The following BMERB1 variants were observed in gnomAD, a reference collection of about 807,000 sequenced individuals.
BMERB1 encodes the protein bMERB domain-containing protein 1.
BMERB1 carries 12 observed loss-of-function variants against 23.6 expected under a neutral mutation model. The observed-to-expected ratio is 0.51, with a 90% confidence interval of 0.33 to 0.82. The LOEUF is 0.82. Among genes scored for constraint, BMERB1 ranks in the 40% least tolerant of loss-of-function variants. BMERB1 has a pLI of 0.03. For synonymous variants in BMERB1, 122 were observed against 96.6 expected (o/e 1.26, Z -1.54); for missense variants, 247 against 255.4 (o/e 0.97, Z 0.22).
At chr16:15,469,953 C>A (rs2051215200) in intron 1 of BMERB1, among the ~76,000 whole-genome samples, 1 of 152,128 alleles carries the variant, frequency 6.6e-6, no homozygotes, top group East Asian at 1.9e-4. Context: ...TTTCTTCCTT[C>A]CTAATTTGTA....
chr16:15,463,623 A>AT (rs1221388167), intron 1 of BMERB1, among the ~76,000 whole-genome samples: 1 of 151,964 alleles, frequency 6.6e-6, no homozygotes, highest in East Asian at 1.9e-4. Flanking sequence ...CCTCTAATAT[A>AT]TTTTCAGTGT....
chr16:15,549,128 C>G (rs1343939246), intron 2 of BMERB1, among the ~76,000 whole-genome samples: 1 of 150,530 alleles, frequency 6.6e-6, no homozygotes, highest in Non-Finnish European at 1.5e-5. Flanking sequence ...CACCTGAGGT[C>G]AGGAGTTTGA....
intron 1 of BMERB1, among the ~76,000 whole-genome samples, chr16:15,468,172 G>T (rs1490221392): frequency 1.8e-5 from 2 of 112,384 alleles, no homozygotes; most frequent in Non-Finnish European, 3.4e-5. Context: ...TTGAGGCAGG[G>T]TCTCAGTCTG....
chr16:15,543,730 A>C (rs2052107455), intron 2 of BMERB1, among the ~76,000 whole-genome samples: 1 of 152,126 alleles, frequency 6.6e-6, no homozygotes, highest in Admixed American at 6.5e-5. Flanking sequence ...CTGAGGTGGG[A>C]AGATTGCTTA....
intron 1 of BMERB1, among the ~76,000 whole-genome samples, chr16:15,499,201 C>T (rs1567470132): frequency 6.6e-6 from 1 of 152,132 alleles, no homozygotes; most frequent in Non-Finnish European, 1.5e-5. Flanking sequence ...GTCAAGGGCC[C>T]AGCCTGGCCA....
chr16:15,451,383 G>A (rs982837724), intron 1 of BMERB1, among the ~76,000 whole-genome samples: 8 of 151,542 alleles, frequency 5.3e-5, no homozygotes, highest in Admixed American at 4.6e-4. Flanking sequence ...GGGTTTCACT[G>A]TATTGACCAA....
intron 1 of BMERB1, among the ~76,000 whole-genome samples, chr16:15,446,317 C>G (rs1049824214): frequency 6.6e-5 from 10 of 152,084 alleles, no homozygotes; most frequent in Admixed American, 1.3e-4. Flanking sequence ...ATCTCTTGAG[C>G]CCAGGAGTTT....
At chr16:15,469,837 G>T (rs2051214227) in intron 1 of BMERB1, among the ~76,000 whole-genome samples, 1 of 152,046 alleles carries the variant, frequency 6.6e-6, no homozygotes, top group African/African-American at 2.4e-5. Context: ...CTTGACATTG[G>T]ATCTTGCAAA....
intron 1 of BMERB1, among the ~76,000 whole-genome samples, chr16:15,492,918 CA>C (rs912984069): frequency 3.4e-5 from 5 of 145,844 alleles, no homozygotes; most frequent in Admixed American, 1.4e-4. Flanking sequence ...GATTCCATCT[CA>C]AAAAAAAAGA....
chr16:15,578,708 T>C (rs1303709877), intron 3 of BMERB1, among the ~76,000 whole-genome samples: 1 of 152,154 alleles, frequency 6.6e-6, no homozygotes, highest in Non-Finnish European at 1.5e-5. Context: ...ACCTTCTCAC[T>C]GTGCCTTTGT....
At chr16:15,523,390 C>T (rs910882172) in intron 2 of BMERB1, among the ~76,000 whole-genome samples, 42 of 152,092 alleles carry the variant, frequency 2.8e-4, no homozygotes, top group African/African-American at 9.9e-4. Flanking sequence ...GGCAGGAAAA[C>T]AAAAATGCCT....
intron 5 of BMERB1, among the ~76,000 whole-genome samples, chr16:15,585,385 A>G (rs2031115526): frequency 6.6e-6 from 1 of 152,194 alleles, no homozygotes; most frequent in Non-Finnish European, 1.5e-5. Context: ...TTCCAAGTTG[A>G]AAAATAAAAA....
chr16:15,510,876 A>G (rs1377712392), intron 1 of BMERB1, among the ~76,000 whole-genome samples: 4 of 151,788 alleles, frequency 2.6e-5, no homozygotes, highest in Admixed American at 6.6e-5. Flanking sequence ...TAAGTTTTGT[A>G]TTTTTAGTAG....
chr16:15,479,340 C>T (rs1370222257), intron 1 of BMERB1, among the ~76,000 whole-genome samples: 2 of 152,150 alleles, frequency 1.3e-5, no homozygotes, highest in African/African-American at 2.4e-5. Context: ...ATGACCAATA[C>T]ATGATATTCC....
intron 2 of BMERB1, among the ~76,000 whole-genome samples, chr16:15,539,401 G>A (rs929182063): frequency 6.6e-6 from 1 of 152,178 alleles, no homozygotes; most frequent in African/African-American, 2.4e-5. Flanking sequence ...CTGCTGTGCG[G>A]CCTGGCTCCT....
intron 1 of BMERB1, among the ~76,000 whole-genome samples, chr16:15,468,464 CA>C (rs1014185644): frequency 6.6e-6 from 1 of 151,972 alleles, no homozygotes; most frequent in Admixed American, 6.6e-5. Context: ...ATGTTTCAAT[CA>C]GACTTAAAGA....
At chr16:15,461,812 T>C (rs912659142) in intron 1 of BMERB1, among the ~76,000 whole-genome samples, 5 of 151,964 alleles carry the variant, frequency 3.3e-5, no homozygotes, top group Admixed American at 6.6e-5. Context: ...TGTGCACCTG[T>C]AGTACCAGCT....
intron 2 of BMERB1, 24 bp from the exon 3 acceptor site, chr16:15,567,958 TG>T: frequency 6.2e-7 from 1 of 1,604,468 alleles, no homozygotes; most frequent in East Asian, 2.2e-5. Flanking sequence ...TGTAACCTGC[TG>T]TTGATGGTGT....
chr16:15,557,459 T>G (rs1354496570), intron 2 of BMERB1, among the ~76,000 whole-genome samples: 2 of 152,194 alleles, frequency 1.3e-5, no homozygotes, highest in Admixed American at 6.5e-5. Flanking sequence ...TATGATTTAA[T>G]GGCATTGGAA....
Sources: gnomAD v4.1 joint callset for allele counts (sites outside exome capture counted in the v4.1 genomes callset) on GRCh38, gnomAD v4.1.1 for gene constraint, MANE v1.5 for transcripts, NCBI Gene and HGNC (gene_info 2026-07-23, HGNC 2026-07-21) for gene names.